The following SDK1 variants were observed in gnomAD, a reference collection of about 807,000 sequenced individuals.
SDK1 encodes the protein sidekick cell adhesion molecule 1.
In SDK1, 157 loss-of-function variants were observed where a neutral mutation model predicts 245.5. The observed-to-expected ratio is 0.64, with a 90% CI of 0.56 to 0.73. The LOEUF (loss-of-function observed/expected upper bound fraction) is 0.73, where lower values mean the gene tolerates loss of function less well. SDK1 is among the 30% of genes least tolerant of loss of function. SDK1 has a pLI of 0.00. For synonymous variants in SDK1, 1,647 were observed against 1,278.5 expected, an observed-to-expected ratio of 1.29 and a Z score of -6.15; for missense variants, 3,583 against 3,002.3, an observed-to-expected ratio of 1.19 and a Z score of -4.52.
intron 1 of SDK1, among the ~76,000 whole-genome samples, chr7:3,408,927 A>G (rs992329328): frequency 2.0e-5 from 3 of 152,212 alleles, no homozygotes; most frequent in Admixed American, 6.5e-5. Flanking sequence ...ATGCTGATGT[A>G]CAGTTCTTAT....
At chr7:3,729,529 A>G (rs1176623186) in intron 4 of SDK1, among the ~76,000 whole-genome samples, 1 of 152,212 alleles carries the variant, frequency 6.6e-6, no homozygotes. Context: ...AACCTCTCAC[A>G]GCAAAGAGTT....
chr7:3,629,319 A>C (rs1482162709), intron 2 of SDK1, among the ~76,000 whole-genome samples: 1 of 151,762 alleles, frequency 6.6e-6, no homozygotes, highest in African/African-American at 2.4e-5. Context: ...AAAGAAAAAA[A>C]AGAAAAAAAA....
intron 1 of SDK1, among the ~76,000 whole-genome samples, chr7:3,601,875 T>G (rs1781265127): frequency 7.0e-6 from 1 of 143,092 alleles, no homozygotes; most frequent in Non-Finnish European, 1.5e-5. Flanking sequence ...CCCCTTCCTG[T>G]GTCCATGTGT....
intron 1 of SDK1, among the ~76,000 whole-genome samples, chr7:3,498,592 T>G (rs1218538975): frequency 1.3e-5 from 2 of 152,204 alleles, no homozygotes; most frequent in Admixed American, 1.3e-4. Context: ...TACTTCTTCC[T>G]TTCTTGGTTT....
intron 32 of SDK1, among the ~76,000 whole-genome samples, chr7:4,163,234 T>C (rs1028057943): frequency 5.1e-4 from 78 of 152,170 alleles, no homozygotes; most frequent in African/African-American, 1.9e-3. Flanking sequence ...GAGTGCCTGC[T>C]GGGAGCTGGG....
intron 5 of SDK1, among the ~76,000 whole-genome samples, chr7:3,861,097 C>T (rs2115117578): frequency 6.6e-6 from 1 of 152,108 alleles, no homozygotes; most frequent in East Asian, 1.9e-4. Flanking sequence ...ACCCTTCAGT[C>T]TACTGCTGTG....
At chr7:3,422,839 C>A (rs1227109256) in intron 1 of SDK1, among the ~76,000 whole-genome samples, 5 of 152,138 alleles carry the variant, frequency 3.3e-5, no homozygotes, top group Admixed American at 3.3e-4. Flanking sequence ...AACAGCTGAT[C>A]TGATTTTCAG....
chr7:3,491,736 T>G (rs1429432631), intron 1 of SDK1, among the ~76,000 whole-genome samples: 1 of 152,258 alleles, frequency 6.6e-6, no homozygotes, highest in Non-Finnish European at 1.5e-5. Context: ...ACCCGAGTGT[T>G]ACGGCTTTTT....
chr7:3,679,393 C>T (rs973327046), intron 4 of SDK1, among the ~76,000 whole-genome samples: 4 of 152,016 alleles, frequency 2.6e-5, no homozygotes, highest in Admixed American at 2.0e-4. Flanking sequence ...GGTGAAACCC[C>T]GTCTCTACTA....
In SDK1 at chr7:4,098,728, A is replaced by G. The variant is rs142234863; in HGVS notation, c.3325-11935A>G. Among the ~76,000 whole-genome samples, 1,285 of 151,684 alleles carry G rather than the reference A, an allele frequency of 8.5e-3. 7 individuals carry two copies. The highest frequency in any genetic ancestry group is 0.014 in the Middle Eastern group (4 of 292). On this transcript the variant is annotated intron_variant, in intron 22 of 44. Coordinates refer to ENST00000404826, the MANE Select transcript of SDK1 (RefSeq NM_152744.4). Reference sequence around the variant, plus strand: ...ACCCAGGCTGGAGTGCAGTGGCACAATCTTGGCTCACTGCAGCCTCAACCT... The same window carrying G: ...ACCCAGGCTGGAGTGCAGTGGCACAGTCTTGGCTCACTGCAGCCTCAACCT...
chr7:3,617,298 A>C (rs1781801347), intron 1 of SDK1, among the ~76,000 whole-genome samples: 1 of 152,232 alleles, frequency 6.6e-6, no homozygotes, highest in Non-Finnish European at 1.5e-5. Context: ...GGAATTCAGA[A>C]GTGATCAAGA....
intron 5 of SDK1, among the ~76,000 whole-genome samples, chr7:3,835,253 G>A (rs1000322496): frequency 2.0e-5 from 3 of 152,206 alleles, no homozygotes; most frequent in Non-Finnish European, 4.4e-5. Context: ...CCCGAAGATA[G>A]AAGGCGTGTC....
At chr7:4,116,175 G>A (rs1783696520) in intron 25 of SDK1, among the ~76,000 whole-genome samples, 1 of 152,168 alleles carries the variant, frequency 6.6e-6, no homozygotes, top group East Asian at 1.9e-4. Context: ...GAGGACAGCT[G>A]GAGTGAGGAC....
intron 14 of SDK1, among the ~76,000 whole-genome samples, chr7:4,006,090 T>G (rs1785468239): frequency 6.6e-6 from 1 of 152,182 alleles, no homozygotes; most frequent in African/African-American, 2.4e-5. Context: ...AAAAAATACC[T>G]TCTTTCAAAA....
Position 3,917,184 on chromosome 7 carries a change from A to G in SDK1, c.848-33739A>G, listed in dbSNP as rs184024265. Among the ~76,000 whole-genome samples, 480 of 152,356 alleles carry G rather than the reference A, an allele frequency of 3.2e-3. 2 individuals are homozygous for G. The highest frequency in any genetic ancestry group is 5.2e-3 in the Non-Finnish European group (351 of 68,034). Reference sequence around the variant, plus strand: ...AATTCTTTTCAGGCTTATTTTTGTCACTAAATAAAAATCAATCACTTGAAA... The same window carrying G: ...AATTCTTTTCAGGCTTATTTTTGTCGCTAAATAAAAATCAATCACTTGAAA... On this transcript the variant is annotated intron_variant, in intron 5 of 44. Coordinates refer to ENST00000404826, the MANE Select transcript of SDK1 (RefSeq NM_152744.4).
chr7:4,267,162 T>C lies in SDK1; in HGVS notation c.*1778T>C. ...CCAAAATTAGAGGGTATGGCAAGTT[T>C]CCTTTTTTCTCTCCTCCCTTCCTTC... On this transcript the variant is annotated 3_prime_UTR_variant, in exon 45 of 45. Coordinates refer to ENST00000404826, the MANE Select transcript of SDK1 (RefSeq NM_152744.4). The C allele has an allele frequency of 1.0e-6, 1 of 984,636 alleles. No homozygotes were observed. The highest frequency in any genetic ancestry group is 4.7e-5 in the South Asian group (1 of 21,262). The allele number at this position is 984,636 out of a possible 1,614,324, so 61.0% of individuals were successfully genotyped here.
intron 4 of SDK1, among the ~76,000 whole-genome samples, chr7:3,672,796 A>ATATGT (rs1554307151): frequency 3.7e-5 from 2 of 53,416 alleles, no homozygotes; most frequent in African/African-American, 1.7e-4. Context: ...TATATATATA[A>ATATGT]AAAATACAGA....
chr7:3,393,544 C>T (rs191158336), intron 1 of SDK1, among the ~76,000 whole-genome samples: 287 of 152,158 alleles, frequency 1.9e-3, no homozygotes, highest in Admixed American at 3.3e-3. Context: ...AAGGGAATAT[C>T]GGGAAAGAGT....
chr7:3,773,837 A>T (rs1780472823), intron 4 of SDK1, among the ~76,000 whole-genome samples: 1 of 152,150 alleles, frequency 6.6e-6, no homozygotes, highest in Non-Finnish European at 1.5e-5. Flanking sequence ...AATTTTCCTC[A>T]TATATGCAGT....
Sources: allele counts gnomAD v4.1 joint callset (sites outside exome capture counted in the v4.1 genomes callset), GRCh38; gene constraint gnomAD v4.1.1; transcripts MANE v1.5; gene names NCBI Gene and HGNC (gene_info 2026-07-23, HGNC 2026-07-21).